FOXP1: variants seen among roughly 807,000 people sequenced by gnomAD.
The protein encoded by FOXP1 is forkhead box P1.
A neutral mutation model predicts 98.2 loss-of-function variants in FOXP1; 15 were observed. That is an observed-to-expected ratio of 0.15 (90% CI 0.10 to 0.24). FOXP1 has a LOEUF of 0.24. Among genes scored for constraint, FOXP1 ranks in the 10% least tolerant of loss-of-function variants. The pLI, the probability that FOXP1 is intolerant of heterozygous loss-of-function variation, is 1.00. For synonymous variants in FOXP1, 371 were observed against 314.5 expected (o/e 1.18, Z -1.90); for missense variants, 633 against 848.5 (o/e 0.75, Z 3.15).
chr3:71,041,551 A>G lies in FOXP1; in HGVS notation c.665-19T>C, dbSNP rs1430014504. 1.9e-6 allele frequency: 3 copies of G among 1,606,388 alleles called. No homozygotes were observed. The highest frequency in any genetic ancestry group is 2.7e-5 in the African/African-American group (2 of 74,690). ...ATCATGCCTGAAACAAACAAATTGGATAATTAAATCAATTAACAGCTAATT... is the reference window on the plus strand; with the variant it reads ...ATCATGCCTGAAACAAACAAATTGGGTAATTAAATCAATTAACAGCTAATT... On this transcript the variant is annotated intron_variant, in intron 10 of 20. Transcript: ENST00000649528.
At chr3:71,226,631 C>G (rs770427245) in intron 5 of FOXP1, among the ~76,000 whole-genome samples, 2 of 152,000 alleles carry the variant, frequency 1.3e-5, no homozygotes. Context: ...GGCTCAATCT[C>G]TTTCACTCTG....
intron 5 of FOXP1, among the ~76,000 whole-genome samples, chr3:71,239,551 A>AAAAC (rs963573637): frequency 7.9e-5 from 12 of 152,278 alleles, no homozygotes; most frequent in East Asian, 5.8e-4. Context: ...CTCAAAAACA[A>AAAAC]AAACAAACAA....
At chr3:71,544,832 A>C (rs570817643) in intron 2 of FOXP1, among the ~76,000 whole-genome samples, 1 of 108,242 alleles carries the variant, frequency 9.2e-6, no homozygotes, top group African/African-American at 4.1e-5. Flanking sequence ...GAGGGTAGTC[A>C]AGAAAGATAA....
rs1195319700 is a variant in FOXP1, at chr3:71,397,062, G to GTATA, written c.-167-37822_-167-37819dup. On this transcript the variant is annotated intron_variant, in intron 3 of 20. Coordinates refer to ENST00000649528, the MANE Select transcript of FOXP1 (RefSeq NM_001349338.3). ...TATATATATATACACATATATATGTGTATATATATATACATATATATGTGT... is the reference window on the plus strand; with the variant it reads ...TATATATATATACACATATATATGTGTATATATATATATATACATATATATGTGT... Among the ~76,000 whole-genome samples, 3 of 63,574 alleles carry GTATA rather than the reference G, an allele frequency of 4.7e-5. 1 individual carries two copies. Among genetic ancestry groups the GTATA allele is most frequent in the Admixed American group, 2.0e-4 (1 of 4,882 alleles). 41.7% of individuals were successfully genotyped at this position (63,574 alleles called of 152,430 possible).
At chr3:70,964,502 G>T (rs1052025372) in intron 20 of FOXP1, among the ~76,000 whole-genome samples, 3 of 152,164 alleles carry the variant, frequency 2.0e-5, no homozygotes, top group African/African-American at 4.8e-5. Flanking sequence ...AGACATTTTT[G>T]TTCTGAGTAT....
intron 6 of FOXP1, among the ~76,000 whole-genome samples, chr3:71,155,330 T>C (rs2108093512): frequency 6.6e-6 from 1 of 152,300 alleles, no homozygotes; most frequent in South Asian, 2.1e-4. Context: ...GTAAGCAACA[T>C]ACAGAATTTT....
intron 5 of FOXP1, among the ~76,000 whole-genome samples, chr3:71,283,710 G>A (rs1365318656): frequency 6.6e-6 from 1 of 152,166 alleles, no homozygotes; most frequent in Non-Finnish European, 1.5e-5. Flanking sequence ...CACCCAATTT[G>A]CAAAAGAGCC....
intron 5 of FOXP1, among the ~76,000 whole-genome samples, chr3:71,226,817 A>G (rs1007153460): frequency 6.6e-6 from 1 of 151,922 alleles, no homozygotes; most frequent in Admixed American, 6.6e-5. Flanking sequence ...GCTCGTTCTC[A>G]GGCTCCCTGC....
intron 3 of FOXP1, among the ~76,000 whole-genome samples, chr3:71,478,158 G>C (rs1332068368): frequency 6.6e-6 from 1 of 152,052 alleles, no homozygotes; most frequent in Admixed American, 6.6e-5. Flanking sequence ...ATCACTCGCT[G>C]AATCACTCAA....
intron 4 of FOXP1, among the ~76,000 whole-genome samples, chr3:71,330,749 G>C (rs545855972): frequency 6.6e-6 from 1 of 152,332 alleles, no homozygotes; most frequent in African/African-American, 2.4e-5. Context: ...TAGTGACATG[G>C]AAAAATGTGC....
At chr3:71,241,141 C>T (rs182442219) in intron 5 of FOXP1, among the ~76,000 whole-genome samples, 5 of 151,560 alleles carry the variant, frequency 3.3e-5, no homozygotes, top group East Asian at 2.0e-4. Context: ...ACCCGGGAGG[C>T]GGAGCTTGCA....
intron 5 of FOXP1, among the ~76,000 whole-genome samples, chr3:71,284,322 T>C (rs1292808453): frequency 6.6e-6 from 1 of 152,174 alleles, no homozygotes; most frequent in Non-Finnish European, 1.5e-5. Flanking sequence ...CCCAGCACTT[T>C]GCGAGGCCAA....
intron 6 of FOXP1, among the ~76,000 whole-genome samples, chr3:71,183,270 G>A (rs1231913658): frequency 2.0e-5 from 3 of 152,070 alleles, no homozygotes; most frequent in Non-Finnish European, 4.4e-5. Flanking sequence ...GAGGCGGGTG[G>A]ATCATTTGAG....
At chr3:71,037,209 T>C (rs2047710952) in intron 11 of FOXP1, among the ~76,000 whole-genome samples, 1 of 152,234 alleles carries the variant, frequency 6.6e-6, no homozygotes, top group South Asian at 2.1e-4. Context: ...ATGTGAGTTC[T>C]TGTCCCTTTC....
chr3:71,325,009 C>T (rs188648331), intron 4 of FOXP1, among the ~76,000 whole-genome samples: 7 of 151,866 alleles, frequency 4.6e-5, no homozygotes, highest in East Asian at 1.9e-4. Context: ...CTACATCTAT[C>T]GCAATGGCCA....
intron 2 of FOXP1, among the ~76,000 whole-genome samples, chr3:71,523,139 T>C (rs185509317): frequency 1.2e-4 from 19 of 152,156 alleles, no homozygotes; most frequent in Admixed American, 1.2e-3. Flanking sequence ...CACAGGGAGA[T>C]GAAGGCAGAG....
chr3:71,396,929 TATATAC>T (rs1320780287), intron 3 of FOXP1, among the ~76,000 whole-genome samples: 1 of 103,696 alleles, frequency 9.6e-6, no homozygotes, highest in Non-Finnish European at 1.9e-5. Context: ...TATATATATA[TATATAC>T]ACATATATAT....
intron 4 of FOXP1, among the ~76,000 whole-genome samples, chr3:71,303,115 T>C (rs1172954072): frequency 2.0e-5 from 3 of 152,100 alleles, no homozygotes; most frequent in Non-Finnish European, 2.9e-5. Context: ...ATGAAGAGTA[T>C]CAGCTCTTTT....
At chr3:71,330,504 G>C (rs1039384145) in intron 4 of FOXP1, among the ~76,000 whole-genome samples, 1 of 152,228 alleles carries the variant, frequency 6.6e-6, no homozygotes, top group African/African-American at 2.4e-5. Context: ...GTGGAAGTCA[G>C]CGGTTCAGCA....
Sources: gnomAD v4.1 joint callset for allele counts (sites outside exome capture counted in the v4.1 genomes callset) on GRCh38, gnomAD v4.1.1 for gene constraint, MANE v1.5 for transcripts, NCBI Gene and HGNC (gene_info 2026-07-23, HGNC 2026-07-21) for gene names.